The following RPTOR variants were observed in gnomAD, a reference collection of about 807,000 sequenced individuals.
The protein encoded by RPTOR is regulatory associated protein of MTOR complex 1.
A neutral mutation model predicts 169.9 loss-of-function variants in RPTOR; 21 were observed. That is an observed-to-expected ratio of 0.12 (90% CI 0.09 to 0.18). The LOEUF is 0.18. Among genes scored for constraint, RPTOR ranks in the 10% least tolerant of loss-of-function variants. RPTOR has a pLI of 1.00. For missense variants in RPTOR, 1,133 were observed against 1,855.9 expected, an observed-to-expected ratio of 0.61 and a Z score of 7.16; for synonymous variants, 732 against 753.2, an observed-to-expected ratio of 0.97 and a Z score of 0.46.
intron 11 of RPTOR, among the ~76,000 whole-genome samples, chr17:80,852,238 C>T (rs1463457527): frequency 1.3e-5 from 2 of 152,188 alleles, no homozygotes; most frequent in Non-Finnish European, 2.9e-5. Context: ...ACTGTTGTCT[C>T]CGTTTTTCTT....
intron 14 of RPTOR, among the ~76,000 whole-genome samples, chr17:80,882,513 G>T (rs974447404): frequency 2.0e-5 from 3 of 152,188 alleles, no homozygotes; most frequent in Non-Finnish European, 4.4e-5. Flanking sequence ...CTCGGCGTGC[G>T]AGGAAAGCGA....
At chr17:80,675,680 C>G (rs141494506) in intron 3 of RPTOR, among the ~76,000 whole-genome samples, 3 of 152,016 alleles carry the variant, frequency 2.0e-5, no homozygotes, top group Non-Finnish European at 2.9e-5. Flanking sequence ...CTCTGCTCAC[C>G]GGGCTCGGGC....
chr17:80,692,360 T>C (rs2066000509), intron 3 of RPTOR, among the ~76,000 whole-genome samples: 1 of 152,040 alleles, frequency 6.6e-6, no homozygotes, highest in Admixed American at 6.6e-5. Flanking sequence ...CTTACTCTGT[T>C]ATCCAGGCTG....
chr17:80,620,019 T>TG (rs1371431834), intron 1 of RPTOR, among the ~76,000 whole-genome samples: 6 of 152,156 alleles, frequency 3.9e-5, no homozygotes, highest in Non-Finnish European at 7.3e-5. Flanking sequence ...CCAGGATGGC[T>TG]GGGAAGACCA....
Position 80,754,249 on chromosome 17 carries a change from C to A in RPTOR, c.830+64C>A. The A allele has an allele frequency of 6.8e-7, 1 of 1,468,404 alleles. No individual in the cohort carries two copies. The highest frequency in any genetic ancestry group is 9.1e-7 in the Non-Finnish European group (1 of 1,095,732). 91.0% of individuals were successfully genotyped at this position (1,468,404 alleles called of 1,614,324 possible). On this transcript the variant is annotated intron_variant, in intron 6 of 33. Transcript: ENST00000306801. This position sits in a 1 kb window ranked among gnomAD's most constrained non-coding sequence, Gnocchi z 4.2. ...TGGGCTCTCCCGCAGGGACCCCAAC[C>A]CATGTGGGCCCCAGGCATTCACCTG...
intron 1 of RPTOR, among the ~76,000 whole-genome samples, chr17:80,556,380 G>C: frequency 6.6e-6 from 1 of 152,192 alleles, no homozygotes; most frequent in East Asian, 1.9e-4. Flanking sequence ...ACATGGTGGT[G>C]CGCACCTGTG....
chr17:80,915,109 T>C (rs546624758), intron 21 of RPTOR, among the ~76,000 whole-genome samples: 624 of 121,978 alleles, frequency 5.1e-3, no homozygotes, highest in Middle Eastern at 0.041. Context: ...GAGCAGACGT[T>C]GGGAAAACCA....
intron 5 of RPTOR, among the ~76,000 whole-genome samples, chr17:80,743,085 G>A (rs529201761): frequency 3.3e-5 from 5 of 152,184 alleles, no homozygotes; most frequent in African/African-American, 9.6e-5. Context: ...TTGTCTTTGC[G>A]CACTGGGAAT....
At chr17:80,575,177 T>G (rs950884487) in intron 1 of RPTOR, among the ~76,000 whole-genome samples, 4 of 151,390 alleles carry the variant, frequency 2.6e-5, no homozygotes, top group African/African-American at 9.7e-5. Flanking sequence ...AAAAATATAT[T>G]TATGTATTTC....
At position 80,823,921 on chromosome 17, in the gene RPTOR, G is replaced by A. The variant is rs2067411011; in HGVS notation, c.1136+698G>A. 6.6e-6 allele frequency among the ~76,000 whole-genome samples: 1 copy of A among 152,198 alleles called. No homozygotes were observed. Among genetic ancestry groups the A allele is most frequent in the African/African-American group, 2.4e-5 (1 of 41,446 alleles). On this transcript the variant is annotated intron_variant, in intron 9 of 33. Transcript: ENST00000306801. This position sits in a 1 kb window ranked among gnomAD's most constrained non-coding sequence, Gnocchi z 4.5. ...GAAAAATATTTCTGTTCATCAATGG[G>A]AGAAACCCTAACAACACAAATATTT...
At chr17:80,605,092 C>T (rs1282204480) in intron 1 of RPTOR, among the ~76,000 whole-genome samples, 2 of 152,162 alleles carry the variant, frequency 1.3e-5, no homozygotes, top group Non-Finnish European at 2.9e-5. Flanking sequence ...TAAGGTATGG[C>T]CAAGACGGTT....
chr17:80,732,620 T>G (rs997472221), intron 5 of RPTOR, among the ~76,000 whole-genome samples: 1 of 152,262 alleles, frequency 6.6e-6, no homozygotes, highest in Non-Finnish European at 1.5e-5. Context: ...TAATTAGCTC[T>G]GATTTTTATC....
intron 5 of RPTOR, among the ~76,000 whole-genome samples, chr17:80,736,710 TCTC>T (rs1284305088): frequency 6.6e-6 from 1 of 152,230 alleles, no homozygotes; most frequent in African/African-American, 2.4e-5. Context: ...AAAAGGCAGT[TCTC>T]CTGCTGAAGG....
At chr17:80,666,708 A>C (rs2065782448) in intron 3 of RPTOR, among the ~76,000 whole-genome samples, 1 of 152,194 alleles carries the variant, frequency 6.6e-6, no homozygotes, top group South Asian at 2.1e-4. Context: ...CTCTGTGAGC[A>C]GCGCCCAACA....
chr17:80,906,210 T>G, intron 20 of RPTOR, among the ~76,000 whole-genome samples: 1 of 149,868 alleles, frequency 6.7e-6, no homozygotes, highest in African/African-American at 2.5e-5. Flanking sequence ...ACCCACCCAC[T>G]CTAAAAAAAA....
chr17:80,892,912 G>T, intron 19 of RPTOR, 43 bp downstream of exon 19: 1 of 1,597,334 alleles, frequency 6.3e-7, no homozygotes, highest in Non-Finnish European at 8.5e-7. Flanking sequence ...GAGAGATTGG[G>T]GTTGTTTTTT....
At chr17:80,833,514 G>T in intron 9 of RPTOR, among the ~76,000 whole-genome samples, 1 of 152,316 alleles carries the variant, frequency 6.6e-6, no homozygotes, top group South Asian at 2.1e-4. Context: ...GCTGGCTGCT[G>T]CCGCCGAAGC....
At chr17:80,582,836 G>A (rs984717104) in intron 1 of RPTOR, among the ~76,000 whole-genome samples, 11 of 152,032 alleles carry the variant, frequency 7.2e-5, no homozygotes, top group Middle Eastern at 6.8e-3. Flanking sequence ...GAGCCACCGC[G>A]CATGGCCAAA....
chr17:80,780,699 G>C (rs12149993), intron 6 of RPTOR, among the ~76,000 whole-genome samples: 87,723 of 152,004 alleles, frequency 0.58, 26,479 homozygotes, highest in East Asian at 0.8. Context: ...CAGGTGAGTC[G>C]TAAGAGTCAC....
Sources: allele counts gnomAD v4.1 joint callset (sites outside exome capture counted in the v4.1 genomes callset), GRCh38; gene constraint gnomAD v4.1.1; non-coding constraint Gnocchi (gnomAD v3.1); transcripts MANE v1.5; gene names NCBI Gene and HGNC (gene_info 2026-07-23, HGNC 2026-07-21).